The following TMEM243 variants were observed in gnomAD, a reference collection of about 807,000 sequenced individuals.
TMEM243 encodes MDR1 and mitochondrial taxol resistance associated.
A neutral mutation model predicts 15.0 loss-of-function variants in TMEM243; 20 were observed. The ratio of observed to expected loss-of-function variants is 1.33; its 90% CI spans 0.94 to 1.93. The LOEUF (loss-of-function observed/expected upper bound fraction) is 1.93. Among genes scored for constraint, TMEM243 ranks in the 30% most tolerant of loss-of-function variants. The pLI is 0.00. For missense variants in TMEM243, 156 were observed against 142.1 expected, an observed-to-expected ratio of 1.10 and a Z score of -0.50; for synonymous variants, 72 against 52.7, an observed-to-expected ratio of 1.37 and a Z score of -1.59.
intron 1 of TMEM243, among the ~76,000 whole-genome samples, chr7:87,199,822 CAG>C (rs1801649486): frequency 2.0e-5 from 3 of 152,172 alleles, no homozygotes; most frequent in African/African-American, 7.2e-5. Context: ...ATTTTGAAAC[CAG>C]AGATTCCTAA....
At chr7:87,206,243 T>C (rs1050337963) in intron 1 of TMEM243, among the ~76,000 whole-genome samples, 1 of 152,144 alleles carries the variant, frequency 6.6e-6, no homozygotes, top group Non-Finnish European at 1.5e-5. Context: ...GACATTTGGG[T>C]GAGGACACAG....
intron 1 of TMEM243, among the ~76,000 whole-genome samples, chr7:87,211,845 T>C (rs1325036838): frequency 6.6e-6 from 1 of 152,182 alleles, no homozygotes; most frequent in Non-Finnish European, 1.5e-5. Context: ...TGGCTAACTC[T>C]AGGACGCCGC....
chr7:87,212,054 AC>A (rs1802792024), intron 1 of TMEM243, among the ~76,000 whole-genome samples: 1 of 152,216 alleles, frequency 6.6e-6, no homozygotes, highest in African/African-American at 2.4e-5. Flanking sequence ...TTTAAAAGTT[AC>A]AACTTTTAAG....
intron 2 of TMEM243, chr7:87,198,568 T>C (rs1801552693): frequency 5.8e-6 from 1 of 171,994 alleles, no homozygotes; most frequent in Non-Finnish European, 1.2e-5. Flanking sequence ...AATACAGCTT[T>C]TAAAAATTTT....
At chr7:87,201,154 C>T (rs537263909) in intron 1 of TMEM243, among the ~76,000 whole-genome samples, 9 of 152,306 alleles carry the variant, frequency 5.9e-5, no homozygotes, top group South Asian at 2.1e-4. Context: ...TGAACTATTT[C>T]GGACATGGCA....
chr7:87,208,565 T>C (rs571577151), intron 1 of TMEM243, among the ~76,000 whole-genome samples: 1 of 152,350 alleles, frequency 6.6e-6, no homozygotes, highest in South Asian at 2.1e-4. Flanking sequence ...ATACCAGCAA[T>C]AGGCCTTGCT....
At chr7:87,211,017 C>A (rs1802706702) in intron 1 of TMEM243, among the ~76,000 whole-genome samples, 1 of 152,216 alleles carries the variant, frequency 6.6e-6, no homozygotes, top group Non-Finnish European at 1.5e-5. Flanking sequence ...TGACACAGGG[C>A]ACTGGAGTCC....
chr7:87,206,037 A>T (rs1270493579), intron 1 of TMEM243, among the ~76,000 whole-genome samples: 2 of 152,208 alleles, frequency 1.3e-5, no homozygotes, highest in African/African-American at 4.8e-5. Flanking sequence ...GCAAAAGATA[A>T]CGTCTTACAT....
intron 3 of TMEM243, chr7:87,197,594 T>C: frequency 1.8e-6 from 1 of 546,230 alleles, no homozygotes; most frequent in Non-Finnish European, 2.9e-6. Context: ...TAGCAGTAAC[T>C]GGCATTTCCC....
At chr7:87,217,601 T>G (rs951333312) in intron 1 of TMEM243, among the ~76,000 whole-genome samples, 1 of 152,218 alleles carries the variant, frequency 6.6e-6, no homozygotes. Flanking sequence ...AATTTATCTA[T>G]GTCCAATCAC....
chr7:87,198,129 C>G lies in TMEM243; in HGVS notation c.130-84G>C. 3.7e-6 allele frequency: 4 copies of G among 1,091,486 alleles called. No homozygotes were observed. In the South Asian group the frequency reaches 6.3e-5, roughly 17 times the overall value. The allele number at this position is 1,091,486 out of a possible 1,614,324, so 67.6% of individuals were successfully genotyped here. On this transcript the variant is annotated intron_variant, in intron 2 of 3. Coordinates refer to ENST00000257637, the MANE Select transcript of TMEM243 (RefSeq NM_024315.4). ...AACTGGAGTCTAGGCAACAGTACTACAAAATGCTTCATGTTATAAAATTAC... is the reference window on the plus strand; with the variant it reads ...AACTGGAGTCTAGGCAACAGTACTAGAAAATGCTTCATGTTATAAAATTAC...
intron 1 of TMEM243, among the ~76,000 whole-genome samples, chr7:87,206,415 T>G (rs7780698): frequency 0.89 from 135,050 of 152,286 alleles, 60,266 homozygotes; most frequent in African/African-American, 0.97. Context: ...CACACTGGCA[T>G]TTAATGATGG....
chr7:87,209,412 G>A (rs1025611111), intron 1 of TMEM243, among the ~76,000 whole-genome samples: 3 of 152,148 alleles, frequency 2.0e-5, no homozygotes, highest in East Asian at 3.9e-4. Flanking sequence ...GTGAATGAGA[G>A]AGCGAGAGTG....
At chr7:87,209,637 CGA>C (rs200209818) in intron 1 of TMEM243, among the ~76,000 whole-genome samples, 1,302 of 91,808 alleles carry the variant, frequency 0.014, 54 homozygotes, top group African/African-American at 0.053. Flanking sequence ...AGATAGAGAG[CGA>C]GAGAGACAGT....
chr7:87,201,392 T>C (rs1801800431), intron 1 of TMEM243, among the ~76,000 whole-genome samples: 1 of 152,208 alleles, frequency 6.6e-6, no homozygotes, highest in Non-Finnish European at 1.5e-5. Flanking sequence ...GAATCTGCGT[T>C]TTAACAGGAT....
intron 3 of TMEM243, among the ~76,000 whole-genome samples, chr7:87,197,099 G>A (rs530247663): frequency 1.3e-5 from 2 of 152,156 alleles, no homozygotes; most frequent in Non-Finnish European, 2.9e-5. Context: ...TCATACAGTT[G>A]GTTCAGACCG....
At chr7:87,209,780 G>A (rs572911793) in intron 1 of TMEM243, among the ~76,000 whole-genome samples, 1 of 143,098 alleles carries the variant, frequency 7.0e-6, no homozygotes, top group Non-Finnish European at 1.5e-5. Flanking sequence ...GAGACAGAGC[G>A]AGACAGTGAG....
chr7:87,196,466 G>T lies in TMEM243; in HGVS notation c.*170C>A. ...ATCAGCTCCTTAAAGAAAAAGCAAA[G>T]TGATCTAGGATATGTCTCCCTTGCA... On this transcript the variant is annotated 3_prime_UTR_variant, in exon 4 of 4. Transcript: ENST00000257637. The T allele has an allele frequency of 1.6e-6, 1 of 610,732 alleles. No homozygotes were observed. The allele number at this position is 610,732 out of a possible 1,614,324, so 37.8% of individuals were successfully genotyped here. A position where few individuals can be genotyped will look rare whatever the true frequency, so the allele number is the denominator to read the frequency against.
At chr7:87,199,343 G>T (rs1801615992) in intron 1 of TMEM243, 1 of 341,184 alleles carries the variant, frequency 2.9e-6, no homozygotes, top group Admixed American at 4.4e-5. Context: ...TACAAATAAT[G>T]CATGTGCTGC....
Sources: gnomAD v4.1 joint callset for allele counts (sites outside exome capture counted in the v4.1 genomes callset) on GRCh38, gnomAD v4.1.1 for gene constraint, MANE v1.5 for transcripts, NCBI Gene and HGNC (gene_info 2026-07-23, HGNC 2026-07-21) for gene names.